SNTG1: variants seen among roughly 807,000 people sequenced by gnomAD.
SNTG1 encodes gamma-1-syntrophin.
SNTG1 carries 39 observed loss-of-function variants against 74.7 expected under a neutral mutation model. The ratio of observed to expected loss-of-function variants is 0.52; its 90% confidence interval spans 0.40 to 0.68. The LOEUF is 0.68. SNTG1 is among the 30% of genes least tolerant of loss of function. The probability of loss-of-function intolerance (pLI) is 0.00; values close to 1 mark genes in which losing one functional copy is unlikely to be tolerated. For synonymous variants in SNTG1, 254 were observed against 217.1 expected (o/e 1.17, Z -1.49); for missense variants, 685 against 609.5 (o/e 1.12, Z -1.30).
intron 18 of SNTG1, among the ~76,000 whole-genome samples, chr8:50,791,749 C>G (rs1220602054): frequency 6.6e-6 from 1 of 151,530 alleles, no homozygotes; most frequent in Non-Finnish European, 1.5e-5. Context: ...CTCTAGTTAC[C>G]CTCCTTGTGA....
intron 18 of SNTG1, among the ~76,000 whole-genome samples, chr8:50,766,092 G>A (rs965557268): frequency 1.3e-5 from 2 of 151,936 alleles, no homozygotes; most frequent in African/African-American, 4.8e-5. Flanking sequence ...TGGAAACCCA[G>A]GACAGTTTGT....
Position 50,449,738 on chromosome 8 carries a change from G to A in SNTG1, c.277+13G>A, listed in dbSNP as rs1309289235. The A allele has an allele frequency of 6.4e-7, 1 of 1,571,046 alleles. No individual in the cohort carries two copies. The highest frequency in any genetic ancestry group is 8.6e-7 in the Non-Finnish European group (1 of 1,156,236). On this transcript the variant is annotated intron_variant, in intron 6 of 18. Transcript: ENST00000642720. ...AAGGAACAAAGAGGTAATATGTTTA[G>A]AGAATTGTGTACCAGCCATTTCTTT...
rs1563397989 is a variant in SNTG1 at position 50,446,222 on chromosome 8, G to T, written c.220-3446G>T. Among the ~76,000 whole-genome samples, 4 of 152,288 alleles carry T rather than the reference G, an allele frequency of 2.6e-5. No individual in the cohort carries two copies. In the East Asian group the frequency reaches 7.7e-4, roughly 29 times the overall value. On this transcript the variant is annotated intron_variant, in intron 5 of 18. Coordinates refer to ENST00000642720, the MANE Select transcript of SNTG1 (RefSeq NM_018967.5). ...GCACTAAATCTAATTAACTGTAGCA[G>T]CTGAGCTGCTCACATTTTCTCCAGT...
intron 13 of SNTG1, among the ~76,000 whole-genome samples, chr8:50,642,501 A>G (rs997050812): frequency 5.3e-5 from 8 of 152,082 alleles, no homozygotes; most frequent in African/African-American, 1.9e-4. Context: ...TCTCATTATC[A>G]ACTACTCTCT....
intron 13 of SNTG1, 36 bp from the exon 14 acceptor site, chr8:50,656,873 A>C (rs760190025): frequency 1.5e-6 from 2 of 1,321,022 alleles, no homozygotes; most frequent in Non-Finnish European, 2.2e-6. Context: ...TAAAATAAGA[A>C]GTTTTGACAG....
chr8:50,343,599 A>AAAT (rs2091384494), intron 2 of SNTG1, among the ~76,000 whole-genome samples: 1 of 152,228 alleles, frequency 6.6e-6, no homozygotes, highest in Admixed American at 6.5e-5. Flanking sequence ...AATAGTGAAC[A>AAAT]AATAGCAAGC....
chr8:49,993,865 G>A (rs530515741), intron 1 of SNTG1, among the ~76,000 whole-genome samples: 6 of 152,242 alleles, frequency 3.9e-5, no homozygotes, highest in African/African-American at 1.4e-4. Flanking sequence ...GATTTATGTT[G>A]AAGAGTGGTG....
intron 13 of SNTG1, among the ~76,000 whole-genome samples, chr8:50,654,856 T>C (rs1480895822): frequency 6.6e-6 from 1 of 152,150 alleles, no homozygotes; most frequent in African/African-American, 2.4e-5. Flanking sequence ...AACTTTGTAA[T>C]TAGGATGCAG....
chr8:50,629,158 A>C (rs1330791440), intron 13 of SNTG1, among the ~76,000 whole-genome samples: 1 of 152,128 alleles, frequency 6.6e-6, no homozygotes, highest in Admixed American at 6.5e-5. Context: ...CAGCATGAGG[A>C]CTATACTTAA....
rs2095423842 is a variant in SNTG1, at chr8:50,701,586, C to CTTCTTCTTCT, written c.1039-3013_1039-3012insTCTTCTTCTT. Among the ~76,000 whole-genome samples, 382 of 145,284 alleles carry CTTCTTCTTCT rather than the reference C, an allele frequency of 2.6e-3. 17 individuals are homozygous for CTTCTTCTTCT. The highest frequency in any genetic ancestry group is 9.0e-3 in the African/African-American group (335 of 37,270). On this transcript the variant is annotated intron_variant, in intron 15 of 18. Transcript: ENST00000642720. ...ATTGTGATATAATACCTTTTTCTTC[C>CTTCTTCTTCT]TCTTCTTCTTCTTCTTCTTCTTCTT...
intron 17 of SNTG1, among the ~76,000 whole-genome samples, chr8:50,742,627 A>G (rs1429421927): frequency 6.6e-6 from 1 of 151,832 alleles, no homozygotes; most frequent in East Asian, 1.9e-4. Flanking sequence ...CATCTTAAAG[A>G]AGTAGAAAAA....
rs73676211 is a variant in SNTG1 at position 50,139,454 on chromosome 8, G to A, written c.-102-33107G>A. Among the ~76,000 whole-genome samples, 1,468 of 152,258 alleles carry A rather than the reference G, an allele frequency of 9.6e-3. 29 individuals carry two copies. Among genetic ancestry groups the A allele is most frequent in the African/African-American group, 0.032 (1,336 of 41,540 alleles). On this transcript the variant is annotated intron_variant, in intron 1 of 18. Transcript: ENST00000642720. The stretch of plus-strand genomic sequence containing the variant: ...TAACCCATGTTGACTAGCACTCCCA[G>A]AAGAGCTGCAATATGTAAGACGGTG...
At chr8:50,439,148 C>T (rs2093334814) in intron 5 of SNTG1, among the ~76,000 whole-genome samples, 1 of 151,758 alleles carries the variant, frequency 6.6e-6, no homozygotes, top group African/African-American at 2.4e-5. Flanking sequence ...TTTTAAAGGC[C>T]TTTATTTTGT....
At chr8:50,635,281 C>G (rs1205692923) in intron 13 of SNTG1, among the ~76,000 whole-genome samples, 1 of 152,060 alleles carries the variant, frequency 6.6e-6, no homozygotes, top group East Asian at 1.9e-4. Flanking sequence ...CCAACAAAAG[C>G]CACTTTCTCG....
chr8:50,334,108 G>A (rs978787416), intron 2 of SNTG1, among the ~76,000 whole-genome samples: 2 of 152,152 alleles, frequency 1.3e-5, no homozygotes, highest in Non-Finnish European at 2.9e-5. Flanking sequence ...TGTTGGCCAG[G>A]CTGGTCTAGA....
intron 1 of SNTG1, among the ~76,000 whole-genome samples, chr8:49,975,231 C>T (rs770246917): frequency 2.0e-5 from 3 of 152,148 alleles, no homozygotes; most frequent in Non-Finnish European, 2.9e-5. Context: ...AATTCATAAT[C>T]ACCTCAACTG....
chr8:50,010,102 A>C (rs1402479784), intron 1 of SNTG1, among the ~76,000 whole-genome samples: 1 of 152,128 alleles, frequency 6.6e-6, no homozygotes, highest in Non-Finnish European at 1.5e-5. Flanking sequence ...TCTTGTAATC[A>C]GTTTGTTTTA....
intron 12 of SNTG1, among the ~76,000 whole-genome samples, chr8:50,559,698 T>A (rs2130670909): frequency 6.6e-6 from 1 of 152,232 alleles, no homozygotes; most frequent in African/African-American, 2.4e-5. Context: ...ACTGGACCAC[T>A]TCCTTACCCT....
chr8:50,511,361 G>A (rs2094072549), intron 9 of SNTG1, among the ~76,000 whole-genome samples: 1 of 152,212 alleles, frequency 6.6e-6, no homozygotes, highest in Non-Finnish European at 1.5e-5. Flanking sequence ...TGGAATAGGT[G>A]TGGTGTAGTG....
Sources: allele counts gnomAD v4.1 joint callset (sites outside exome capture counted in the v4.1 genomes callset), GRCh38; gene constraint gnomAD v4.1.1; transcripts MANE v1.5; gene names NCBI Gene and HGNC (gene_info 2026-07-23, HGNC 2026-07-21).